The following KLHDC10 variants were observed in gnomAD, a reference collection of about 807,000 sequenced individuals.
KLHDC10 encodes kelch domain-containing protein 10.
A neutral mutation model predicts 56.1 loss-of-function variants in KLHDC10; 24 were observed. The observed-to-expected ratio is 0.43, with a 90% CI of 0.31 to 0.60. The LOEUF (loss-of-function observed/expected upper bound fraction) is 0.60. Among genes scored for constraint, KLHDC10 ranks in the 20% least tolerant of loss-of-function variants. The probability of loss-of-function intolerance (pLI) is 0.11; values close to 1 mark genes in which losing one functional copy is unlikely to be tolerated. For missense variants in KLHDC10, 349 were observed against 567.0 expected, an observed-to-expected ratio of 0.62 and a Z score of 3.91; for synonymous variants, 188 against 207.1, an observed-to-expected ratio of 0.91 and a Z score of 0.79.
intron 2 of KLHDC10, among the ~76,000 whole-genome samples, chr7:130,112,323 A>T (rs1322944668): frequency 1.3e-5 from 2 of 152,220 alleles, no homozygotes; most frequent in African/African-American, 4.8e-5. Context: ...TCCTTGTGAC[A>T]TGGAAGAGAG....
intron 1 of KLHDC10, 48 bp from the exon 2 acceptor site, chr7:130,096,873 G>C: frequency 7.8e-7 from 1 of 1,281,438 alleles, no homozygotes; most frequent in Non-Finnish European, 1.1e-6. Flanking sequence ...TGTATTATTT[G>C]CAATGTGTTG....
At chr7:130,127,352 G>A (rs373621685) in intron 7 of KLHDC10, 52 bp from the exon 8 acceptor site, 7 of 1,463,480 alleles carry the variant, frequency 4.8e-6, no homozygotes, top group South Asian at 1.1e-5. Flanking sequence ...TATCAGTGTG[G>A]TTCCCAGTCT....
At position 130,077,370 on chromosome 7, in the gene KLHDC10, A is replaced by C. The variant is rs1489151257; in HGVS notation, c.166+6561A>C. Among the ~76,000 whole-genome samples the C allele has an allele frequency of 2.1e-4, 31 of 148,450 alleles. 1 individual carries two copies. The East Asian group carries it at 3.0e-3, about 14-fold the overall frequency. On this transcript the variant is annotated intron_variant, in intron 1 of 9. Coordinates refer to ENST00000335420, the MANE Select transcript of KLHDC10 (RefSeq NM_014997.4). ...CTCTGTCTCAAAAAAAAAAAAAAAA[A>C]AAAAAAAAAAAACAGTATATGTATT...
chr7:130,124,319 T>G lies in KLHDC10; in HGVS notation c.780-132T>G, dbSNP rs1271930225. ...TCTGTAAGTCATATAACCAATTCAC[T>G]ATTGTTAAACGCCTAGGTTATTTCC... On this transcript the variant is annotated intron_variant, in intron 5 of 9. Transcript: ENST00000335420. 21 of 599,502 alleles carry G rather than the reference T, an allele frequency of 3.5e-5. No individual in the cohort carries two copies. In the East Asian group the frequency reaches 5.6e-4, roughly 16 times the overall value. The allele number at this position is 599,502 out of a possible 1,614,324, so 37.1% of individuals were successfully genotyped here. A position where few individuals can be genotyped will look rare whatever the true frequency, so the allele number is the denominator to read the frequency against.
intron 1 of KLHDC10, among the ~76,000 whole-genome samples, chr7:130,073,843 A>G (rs1181413172): frequency 1.3e-5 from 2 of 152,052 alleles, no homozygotes; most frequent in African/African-American, 4.8e-5. Context: ...AGGTGTAATC[A>G]TTTACCAAGT....
At chr7:130,100,121 A>AG (rs1795909877) in intron 2 of KLHDC10, among the ~76,000 whole-genome samples, 1 of 151,778 alleles carries the variant, frequency 6.6e-6, no homozygotes, top group African/African-American at 2.4e-5. Flanking sequence ...AAAAAAAAAA[A>AG]GTAGAGAATT....
At position 130,070,760 on chromosome 7, in the gene KLHDC10, T is replaced by C. The variant is rs1795395569; in HGVS notation, c.117T>C (p.Thr39=). 7.7e-7 allele frequency: 1 copy of C among 1,306,328 alleles called. No individual in the cohort carries two copies. Among genetic ancestry groups the C allele is most frequent in the Non-Finnish European group, 9.7e-7 (1 of 1,026,010 alleles). The allele number at this position is 1,306,328 out of a possible 1,614,324, so 80.9% of individuals were successfully genotyped here. ...GGSGGSGGRG[T]GQLNRFVQLS... is the part of the protein sequence containing the mutation. Reference sequence around the variant, plus strand: ...GTGGGGGCAGCGGGGGTCGGGGGACTGGCCAGCTCAACCGCTTCGTGCAAC... The same window carrying C: ...GTGGGGGCAGCGGGGGTCGGGGGACCGGCCAGCTCAACCGCTTCGTGCAAC... The change falls in exon 1 of 10, where the codon ACT becomes ACC. Residue 39 remains threonine, a synonymous_variant. Coordinates refer to ENST00000335420, the MANE Select transcript of KLHDC10 (RefSeq NM_014997.4).
intron 1 of KLHDC10, among the ~76,000 whole-genome samples, chr7:130,080,529 A>G (rs1337372530): frequency 6.6e-6 from 1 of 152,082 alleles, no homozygotes; most frequent in African/African-American, 2.4e-5. Flanking sequence ...AGTAGCTGGG[A>G]CTACAGGTGT....
intron 5 of KLHDC10, among the ~76,000 whole-genome samples, chr7:130,124,106 ACT>A (rs1796284616): frequency 6.6e-6 from 1 of 152,194 alleles, no homozygotes; most frequent in Non-Finnish European, 1.5e-5. Context: ...CCAAGTCTAA[ACT>A]CAAAGATAAC....
intron 8 of KLHDC10, among the ~76,000 whole-genome samples, chr7:130,129,139 T>C (rs566498370): frequency 1.5e-4 from 23 of 152,016 alleles, no homozygotes; most frequent in Middle Eastern, 3.4e-3. Flanking sequence ...CTAGACCCCC[T>C]TGCTCATTTA....
intron 1 of KLHDC10, among the ~76,000 whole-genome samples, chr7:130,088,081 A>G (rs1323439020): frequency 6.6e-6 from 1 of 151,978 alleles, no homozygotes; most frequent in African/African-American, 2.4e-5. Flanking sequence ...TTTTAAAGCA[A>G]CTTTTAAAAT....
intron 7 of KLHDC10, 40 bp downstream of exon 7, chr7:130,125,971 T>G: frequency 3.7e-6 from 5 of 1,349,580 alleles, no homozygotes; most frequent in Middle Eastern, 2.3e-4. Context: ...TTAACAAACA[T>G]GTATTATACT....
At chr7:130,119,262 G>C (rs1796214118) in intron 3 of KLHDC10, among the ~76,000 whole-genome samples, 1 of 151,600 alleles carries the variant, frequency 6.6e-6, no homozygotes, top group Admixed American at 6.6e-5. Context: ...TGTAATCCCA[G>C]CACTTTGGGA....
intron 1 of KLHDC10, among the ~76,000 whole-genome samples, chr7:130,078,072 T>A (rs922250855): frequency 6.6e-6 from 1 of 150,700 alleles, no homozygotes; most frequent in Non-Finnish European, 1.5e-5. Context: ...TTTTTTTTTC[T>A]TTTTTTTTAA....
chr7:130,077,815 A>G (rs1463040519), intron 1 of KLHDC10, among the ~76,000 whole-genome samples: 1 of 151,600 alleles, frequency 6.6e-6, no homozygotes, highest in African/African-American at 2.4e-5. Flanking sequence ...TCGGCCTCCC[A>G]AAGTGCTGAG....
intron 2 of KLHDC10, among the ~76,000 whole-genome samples, chr7:130,102,978 A>T (rs1563101531): frequency 6.6e-6 from 1 of 152,238 alleles, no homozygotes. Flanking sequence ...TCATAAAAAT[A>T]AAATAGAGGA....
intron 1 of KLHDC10, among the ~76,000 whole-genome samples, chr7:130,071,889 G>A (rs1388513211): frequency 6.6e-6 from 1 of 152,136 alleles, no homozygotes; most frequent in Non-Finnish European, 1.5e-5. Context: ...TGATTAAATT[G>A]AAGATGACAA....
chr7:130,089,710 C>T (rs923209607), intron 1 of KLHDC10, among the ~76,000 whole-genome samples: 1 of 152,136 alleles, frequency 6.6e-6, no homozygotes, highest in Non-Finnish European at 1.5e-5. Context: ...GCCTGGAGCT[C>T]TTGTGCAGTA....
intron 2 of KLHDC10, among the ~76,000 whole-genome samples, chr7:130,105,469 C>T (rs1795995024): frequency 6.6e-6 from 1 of 152,102 alleles, no homozygotes; most frequent in African/African-American, 2.4e-5. Flanking sequence ...AGGGATGAAT[C>T]TCAAAAACAT....
Sources: gnomAD v4.1 joint callset for allele counts (sites outside exome capture counted in the v4.1 genomes callset) on GRCh38, gnomAD v4.1.1 for gene constraint, MANE v1.5 for transcripts, NCBI Gene and HGNC (gene_info 2026-07-23, HGNC 2026-07-21) for gene names.